PSEN2: variants seen among roughly 807,000 people sequenced by gnomAD.
The protein encoded by PSEN2 is presenilin-2.
A neutral mutation model predicts 49.1 loss-of-function variants in PSEN2; 32 were observed. That is an observed-to-expected ratio of 0.65 (90% CI 0.49 to 0.88). The LOEUF (loss-of-function observed/expected upper bound fraction) is 0.88, where lower values mean the gene tolerates loss of function less well. Among genes scored for constraint, PSEN2 ranks in the 40% least tolerant of loss-of-function variants. The pLI, the probability that PSEN2 is intolerant of heterozygous loss-of-function variation, is 0.00. For missense variants in PSEN2, 522 were observed against 586.9 expected, an observed-to-expected ratio of 0.89 and a Z score of 1.14; for synonymous variants, 255 against 244.0, an observed-to-expected ratio of 1.05 and a Z score of -0.42.
Position 226,891,294 on chromosome 1 carries a change from G to T in PSEN2, c.903G>T (p.Thr301=), listed in dbSNP as rs6426553. The part of the protein sequence containing the change: ...ALIYSSAMVW[T]VGMAKLDPSS... ...CTCCCCCAGCTGCCATGGTGTGGAC[G>T]GTTGGCATGGCGAAGCTGGACCCCT... The change falls in exon 10 of 13, where the codon ACG becomes ACT. Residue 301 remains threonine, a synonymous_variant. Transcript: ENST00000366783. 10,413 of 1,613,904 alleles carry T rather than the reference G, an allele frequency of 6.5e-3. 526 individuals are homozygous for T. The African/African-American group carries it at 0.12, about 18-fold the overall frequency.
intron 10 of PSEN2, 41 bp downstream of exon 10, chr1:226,891,402 G>A (rs756315272): frequency 6.5e-7 from 1 of 1,537,302 alleles, no homozygotes; most frequent in South Asian, 1.2e-5. Flanking sequence ...ATCACTGGGG[G>A]GCAGCTCCCT....
At position 226,881,993 on chromosome 1, in the gene PSEN2, G is replaced by T. The variant is rs771375988; in HGVS notation, c.86G>T (p.Arg29Leu). The T allele has an allele frequency of 2.5e-6, 4 of 1,614,064 alleles. No homozygotes were observed. In the Admixed American group the frequency reaches 6.7e-5, roughly 27 times the overall value. ...SLMSAESPTPRSCQEGRQGPE... is the reference protein window; with the variant it reads ...SLMSAESPTPLSCQEGRQGPE... The stretch of plus-strand genomic sequence containing the variant: ...ATGTCGGCTGAGAGCCCCACGCCGC[G>T]CTCCTGCCAGGAGGGCAGGCAGGGC... Residue 29 changes from arginine (R) to leucine (L), a missense_variant, in exon 4 of 13, where the codon CGC becomes CTC. Physicochemically the swap from Arg to Leu is moderately radical, Grantham distance 102. Transcript: ENST00000366783.
At chr1:226,891,566 G>C (rs1176166786) in intron 10 of PSEN2, among the ~76,000 whole-genome samples, 177 bp from the exon 11 acceptor site, 1 of 152,162 alleles carries the variant, frequency 6.6e-6, no homozygotes, top group Non-Finnish European at 1.5e-5. Flanking sequence ...CTGTTGCATC[G>C]TTCTGCTGGG....
At chr1:226,888,772 G>T (rs1571960382) in intron 7 of PSEN2, 57 bp from the exon 8 acceptor site, 5 of 1,477,082 alleles carry the variant, frequency 3.4e-6, no homozygotes, top group Non-Finnish European at 4.7e-6. Context: ...GTGGTAAACT[G>T]CTAGGCTGTA....
intron 2 of PSEN2, among the ~76,000 whole-genome samples, chr1:226,873,447 C>T (rs982243555): frequency 1.3e-5 from 2 of 152,026 alleles, no homozygotes; most frequent in African/African-American, 4.8e-5. Context: ...TGGAGTTTCA[C>T]TCTTGTTGCC....
At chr1:226,876,971 G>C (rs1399501612) in intron 3 of PSEN2, among the ~76,000 whole-genome samples, 2 of 152,138 alleles carry the variant, frequency 1.3e-5, no homozygotes, top group Non-Finnish European at 2.9e-5. Context: ...GCTGGTCTGA[G>C]ATTTTTCCAC....
At chr1:226,883,952 G>T (rs1558145395) in intron 5 of PSEN2, 33 bp downstream of exon 5, 5 of 1,425,358 alleles carry the variant, frequency 3.5e-6, no homozygotes, top group South Asian at 1.2e-5. Context: ...GCAGGGTGGG[G>T]TGAGGGCTGA....
rs1660279901 is a variant in PSEN2 at position 226,871,394 on chromosome 1, A to G, written c.-217A>G. The G allele has an allele frequency of 6.6e-6, 1 of 152,260 alleles. No homozygotes were observed. Among genetic ancestry groups the G allele is most frequent in the South Asian group, 2.1e-4 (1 of 4,830 alleles). 9.4% of individuals were successfully genotyped at this position (152,260 alleles called of 1,614,324 possible). On this transcript the variant is annotated 5_prime_UTR_variant, in exon 2 of 13. Transcript: ENST00000366783. Reference sequence around the variant, plus strand: ...CACAGAGCTAAAGTGACTTTTCCCAAGGTCGCCCAGGTACGATATAGCAGA... The same window carrying G: ...CACAGAGCTAAAGTGACTTTTCCCAGGGTCGCCCAGGTACGATATAGCAGA...
rs539696910 is a variant in PSEN2 at position 226,894,062 on chromosome 1, G to A, written c.1128G>A (p.Lys376=). ...TCTTCTACAGTGTGCTGGTGGGCAA[G>A]GCGGCTGCCACGGGCAGCGGGGACT... The part of the protein sequence containing the change: ...DFIFYSVLVG[K]AAATGSGDWN... Residue 376 remains lysine, a synonymous_variant, in exon 12 of 13, where the codon AAG becomes AAA. Transcript: ENST00000366783. 6.2e-7 allele frequency: 1 copy of A among 1,614,236 alleles called. No individual in the cohort carries two copies. The highest frequency in any genetic ancestry group is 2.2e-5 in the East Asian group (1 of 44,886).
chr1:226,886,294 C>G (rs1206542471), intron 6 of PSEN2, among the ~76,000 whole-genome samples: 1 of 152,222 alleles, frequency 6.6e-6, no homozygotes, highest in African/African-American at 2.4e-5. Flanking sequence ...TTAGGCTCCC[C>G]TCACCCCGAT....
intron 3 of PSEN2, among the ~76,000 whole-genome samples, chr1:226,877,763 C>A (rs1032722401): frequency 2.0e-5 from 3 of 152,230 alleles, no homozygotes; most frequent in African/African-American, 7.2e-5. Flanking sequence ...CACTTGTTTT[C>A]TGGTGAGGAG....
At chr1:226,902,756 G>C (rs749297290) in intron 12 of PSEN2, among the ~76,000 whole-genome samples, 6 of 152,156 alleles carry the variant, frequency 3.9e-5, no homozygotes, top group Non-Finnish European at 8.8e-5. Context: ...GGCTGGGCTG[G>C]CTTGCAAGCA....
At chr1:226,872,279 A>G (rs1049474340) in intron 2 of PSEN2, among the ~76,000 whole-genome samples, 4 of 152,230 alleles carry the variant, frequency 2.6e-5, no homozygotes, top group African/African-American at 9.6e-5. Flanking sequence ...AATGACATAT[A>G]TCTCGCTTAT....
chr1:226,889,176 T>G, intron 8 of PSEN2, 127 bp downstream of exon 8: 1 of 852,136 alleles, frequency 1.2e-6, no homozygotes, highest in South Asian at 1.6e-5. Flanking sequence ...CTGGGTGGGA[T>G]CCCTCCTGAG....
At chr1:226,884,586 T>C (rs1398823414) in intron 5 of PSEN2, 1 of 151,540 alleles carries the variant, frequency 6.6e-6, no homozygotes, top group Admixed American at 6.6e-5. Context: ...ATTTCGTGTG[T>C]GTTGGTTTTT....
chr1:226,899,588 A>G (rs542298718), downstream of PSEN2: 1 of 152,388 alleles, frequency 6.6e-6, no homozygotes, highest in East Asian at 1.9e-4. Context: ...TGGATCTCCT[A>G]AAACAGTATA....
chr1:226,895,551 C>A lies in PSEN2; in HGVS notation c.1319C>A (p.Thr440Asn). 1 of 1,613,430 alleles carries A rather than the reference C, an allele frequency of 6.2e-7. No individual in the cohort carries two copies. Reference protein sequence around the residue: ...TDNLVRPFMDTLASHQLYI With the variant: ...TDNLVRPFMDNLASHQLYI ...AACCTGGTGCGGCCGTTCATGGACA[C>A]CCTGGCCTCCCATCAGCTCTACATC... Residue 440 changes from threonine (T) to asparagine (N), a missense_variant, in exon 13 of 13, where the codon ACC becomes AAC. Thr to Asn is a moderately conservative substitution (Grantham distance 65). Transcript: ENST00000366783.
chr1:226,895,124 T>C (rs765246373), intron 12 of PSEN2, among the ~76,000 whole-genome samples: 1 of 152,182 alleles, frequency 6.6e-6, no homozygotes, highest in Non-Finnish European at 1.5e-5. Context: ...TACCATCCCA[T>C]GTGACCACTC....
In PSEN2 at chr1:226,885,509, G is replaced by A. The variant is rs745980421; in HGVS notation, c.357-29G>A. The A allele has an allele frequency of 6.2e-6, 10 of 1,612,554 alleles. No homozygotes were observed. In the South Asian group the frequency reaches 6.6e-5, roughly 11 times the overall value. On this transcript the variant is annotated intron_variant, in intron 5 of 12. Transcript: ENST00000366783. ...AGCCTCGAGGAGCAGTCAGGGCCGG[G>A]AGCATCAGCCCTTTGCCTTCTCCCT...
Sources: allele counts gnomAD v4.1 joint callset (sites outside exome capture counted in the v4.1 genomes callset), GRCh38; gene constraint gnomAD v4.1.1; transcripts MANE v1.5; gene names NCBI Gene and HGNC (gene_info 2026-07-23, HGNC 2026-07-21).